Variants in ZNF496 observed in about 807,000 individuals in gnomAD.
ZNF496 encodes the protein zinc finger protein 496.
Under a neutral mutation model 58.9 loss-of-function variants are expected in ZNF496, and 11 were observed. That is an observed-to-expected ratio of 0.19 (90% CI 0.12 to 0.31). The LOEUF is 0.31. Among genes scored for constraint, ZNF496 ranks in the 10% least tolerant of loss-of-function variants. The pLI is 1.00. For synonymous variants in ZNF496, 338 were observed against 318.2 expected, an observed-to-expected ratio of 1.06 and a Z score of -0.66; for missense variants, 660 against 783.0, an observed-to-expected ratio of 0.84 and a Z score of 1.88.
rs1219697288 is a variant in ZNF496, at chr1:247,302,988, AATT to A, written c.1007-1715_1007-1713del. Among the ~76,000 whole-genome samples the A allele has an allele frequency of 9.2e-5, 14 of 152,170 alleles. No individual in the cohort carries two copies. The East Asian group carries it at 2.7e-3, about 29-fold the overall frequency. ...ACTTGTTAACTGGGCGAGGAGATGGAATTATGAGAGCAGACAGTGCATGTTATG... is the reference window on the plus strand; with the variant it reads ...ACTTGTTAACTGGGCGAGGAGATGGAATGAGAGCAGACAGTGCATGTTATG... On this transcript the variant is annotated intron_variant, in intron 9 of 9. Coordinates refer to ENST00000682384, the MANE Select transcript of ZNF496 (RefSeq NM_032752.3).
intron 6 of ZNF496, chr1:247,311,433 ACACACACAC>A (rs1659599761): frequency 1.7e-5 from 1 of 59,996 alleles, no homozygotes; most frequent in East Asian, 8.3e-4. Context: ...ACACAGAGAC[ACACACACAC>A]ACACACACAC....
At position 247,329,280 on chromosome 1, in the gene ZNF496, C is replaced by T. The variant is rs763856288; in HGVS notation, c.299G>A (p.Ser100Asn). ...FLAILPREIQ[S>N]WVRAQEPESG... ...CTCAGGCTCCTGCGCCCGCACCCAG[C>T]TCTGGATCTCCCGGGGCAGGATGGC... The change falls in exon 4 of 10, where the codon AGC becomes AAC. Residue 100 changes from serine (S) to asparagine (N), a missense_variant. By Grantham distance (46) the Ser-to-Asn change is conservative. Coordinates refer to ENST00000682384, the MANE Select transcript of ZNF496 (RefSeq NM_032752.3). The surrounding 1 kb of genome is among the most constrained non-coding windows in gnomAD (Gnocchi z 5.5). 10 of 1,613,586 alleles carry T rather than the reference C, an allele frequency of 6.2e-6. No homozygotes were observed. The highest frequency in any genetic ancestry group is 7.6e-6 in the Non-Finnish European group (9 of 1,180,020).
intron 6 of ZNF496, among the ~76,000 whole-genome samples, chr1:247,319,181 T>C (rs1289405368): frequency 6.6e-6 from 1 of 152,078 alleles, no homozygotes; most frequent in Non-Finnish European, 1.5e-5. Context: ...AGAGACAAGG[T>C]TTCGCTATGT....
At position 247,309,826 on chromosome 1, in the gene ZNF496, G is replaced by T; in HGVS notation, c.785-20C>A. The stretch of plus-strand genomic sequence containing the variant: ...GGTCGTCTGTTCAAAGAAAAAGGCA[G>T]GGTACATGTTTATTAGTAATCTGAT... On this transcript the variant is annotated intron_variant, in intron 7 of 9. Transcript: ENST00000682384. This position sits in a 1 kb window ranked among gnomAD's most constrained non-coding sequence, Gnocchi z 4.3. 1 of 1,613,334 alleles carries T rather than the reference G, an allele frequency of 6.2e-7. No individual in the cohort carries two copies. Among genetic ancestry groups the T allele is most frequent in the Non-Finnish European group, 8.5e-7 (1 of 1,179,410 alleles).
chr1:247,324,078 T>C (rs907327579), intron 5 of ZNF496, among the ~76,000 whole-genome samples: 1 of 47,006 alleles, frequency 2.1e-5, no homozygotes, highest in Non-Finnish European at 4.9e-5. Flanking sequence ...CTGTCTCAAA[T>C]GAAAAAAAAA....
chr1:247,305,380 CA>C (rs1201984707), intron 9 of ZNF496, among the ~76,000 whole-genome samples: 1 of 152,142 alleles, frequency 6.6e-6, no homozygotes, highest in Non-Finnish European at 1.5e-5. Context: ...TTCTGTTTTC[CA>C]AATAAAAAAT....
chr1:247,309,491 A>G lies in ZNF496; in HGVS notation c.892+208T>C, dbSNP rs909180050. On this transcript the variant is annotated intron_variant, in intron 8 of 9. Coordinates refer to ENST00000682384, the MANE Select transcript of ZNF496 (RefSeq NM_032752.3). This position sits in a 1 kb window ranked among gnomAD's most constrained non-coding sequence, Gnocchi z 4.3. ...TTTCCCAGTCCTTGGCCAAGGGAGT[A>G]CAATTCCAATGCCTGGCAAAATTAA... The G allele has an allele frequency of 4.3e-6, 6 of 1,409,438 alleles. No individual in the cohort carries two copies. Among genetic ancestry groups the G allele is most frequent in the Non-Finnish European group, 5.5e-6 (6 of 1,086,510 alleles). The allele number at this position is 1,409,438 out of a possible 1,614,324, so 87.3% of individuals were successfully genotyped here. A position where few individuals can be genotyped will look rare whatever the true frequency, so the allele number is the denominator to read the frequency against.
rs1448302739 is a variant in ZNF496, at chr1:247,309,623, A to T, written c.892+76T>A. On this transcript the variant is annotated intron_variant, in intron 8 of 9. Coordinates refer to ENST00000682384, the MANE Select transcript of ZNF496 (RefSeq NM_032752.3). This position sits in a 1 kb window ranked among gnomAD's most constrained non-coding sequence, Gnocchi z 4.3. The stretch of plus-strand genomic sequence containing the variant: ...CAATTAGGGGCCGCAGAGAGAAGCC[A>T]GAGAGTGGGCTCACCTCCGGCTGCC... The T allele has an allele frequency of 6.3e-7, 1 of 1,583,572 alleles. No homozygotes were observed. Among genetic ancestry groups the T allele is most frequent in the African/African-American group, 1.3e-5 (1 of 74,226 alleles).
At chr1:247,323,523 G>A (rs142385251) in intron 5 of ZNF496, among the ~76,000 whole-genome samples, 4 of 152,142 alleles carry the variant, frequency 2.6e-5, no homozygotes, top group Admixed American at 1.3e-4. Flanking sequence ...GTGTGCCTGG[G>A]TTCATGATAG....
At chr1:247,323,113 C>T (rs770001585) in intron 6 of ZNF496, 41 bp downstream of exon 6, 7 of 1,548,662 alleles carry the variant, frequency 4.5e-6, no homozygotes, top group Non-Finnish European at 6.2e-6. Context: ...CCTACAGAGG[C>T]AAACAGGGGA....
intron 2 of ZNF496, among the ~76,000 whole-genome samples, chr1:247,330,586 G>A (rs2103035961): frequency 6.6e-6 from 1 of 152,316 alleles, no homozygotes; most frequent in East Asian, 1.9e-4. Context: ...CCACAACTAG[G>A]GTGGCAAGAG....
chr1:247,327,207 G>C (rs1439486096), intron 5 of ZNF496, among the ~76,000 whole-genome samples: 1 of 152,188 alleles, frequency 6.6e-6, no homozygotes, highest in Admixed American at 6.5e-5. Context: ...TGGAATTATA[G>C]GCACCCACCA....
chr1:247,307,126 C>A, intron 9 of ZNF496: 1 of 985,432 alleles, frequency 1.0e-6, no homozygotes, highest in Non-Finnish European at 1.2e-6. Flanking sequence ...ATTTGATTGG[C>A]ACAAACTGAA....
rs1659498422 is a variant in ZNF496, at chr1:247,308,742, G to C, written c.893-154C>G. 3.1e-6 allele frequency: 2 copies of C among 642,138 alleles called. No homozygotes were observed. Among genetic ancestry groups the C allele is most frequent in the African/African-American group, 1.8e-5 (1 of 54,540 alleles). 39.8% of individuals were successfully genotyped at this position (642,138 alleles called of 1,614,324 possible). ...GGGGGTGGCCACTCAATAAGTGTCT[G>C]CTGAGTGAATGAACCTGAAGGCAAA... is the stretch of plus-strand genomic sequence containing the variant. On this transcript the variant is annotated intron_variant, in intron 8 of 9. Coordinates refer to ENST00000682384, the MANE Select transcript of ZNF496 (RefSeq NM_032752.3). This position sits in a 1 kb window ranked among gnomAD's most constrained non-coding sequence, Gnocchi z 4.5.
intron 6 of ZNF496, among the ~76,000 whole-genome samples, chr1:247,321,084 G>A (rs1185876014): frequency 6.6e-6 from 1 of 151,998 alleles, no homozygotes; most frequent in African/African-American, 2.4e-5. Context: ...GCTGAGGCAG[G>A]AGAATTGCTT....
rs1475784409 is a variant in ZNF496, at chr1:247,309,444, G to A, written c.892+255C>T. ...ACAAACCAGATGTTACTTACAGGCAGAGGAGAAAGACATTCCTATTATTTC... is the reference window on the plus strand; with the variant it reads ...ACAAACCAGATGTTACTTACAGGCAAAGGAGAAAGACATTCCTATTATTTC... On this transcript the variant is annotated intron_variant, in intron 8 of 9. Transcript: ENST00000682384. This position sits in a 1 kb window ranked among gnomAD's most constrained non-coding sequence, Gnocchi z 4.3. 11 of 1,335,806 alleles carry A rather than the reference G, an allele frequency of 8.2e-6. No homozygotes were observed. Among genetic ancestry groups the A allele is most frequent in the Non-Finnish European group, 1.1e-5 (11 of 1,044,106 alleles). The allele number at this position is 1,335,806 out of a possible 1,614,324, so 82.7% of individuals were successfully genotyped here. A position where few individuals can be genotyped will look rare whatever the true frequency, so the allele number is the denominator to read the frequency against.
chr1:247,318,326 A>G (rs1364049518), intron 6 of ZNF496, among the ~76,000 whole-genome samples: 2 of 152,222 alleles, frequency 1.3e-5, no homozygotes, highest in Non-Finnish European at 2.9e-5. Flanking sequence ...GTACTAGAAA[A>G]ATCTAGCTTA....
rs1659489398 is a variant in ZNF496, at chr1:247,308,506, T to G, written c.975A>C (p.Pro325=). The change falls in exon 9 of 10, where the codon CCA becomes CCC. Residue 325 remains proline, a synonymous_variant. Coordinates refer to ENST00000682384, the MANE Select transcript of ZNF496 (RefSeq NM_032752.3). This position sits in a 1 kb window ranked among gnomAD's most constrained non-coding sequence, Gnocchi z 4.5. ...AGGTGTTTTGAGGCACCACCGTCTG[T>G]GGGCAGGCCTGGAACTCTGGCACCT... is the stretch of plus-strand genomic sequence containing the variant. ...ELQVPEFQAC[P]QTVVPQNTYP... 3.7e-6 allele frequency: 6 copies of G among 1,614,170 alleles called. No homozygotes were observed. Among genetic ancestry groups the G allele is most frequent in the Non-Finnish European group, 4.2e-6 (5 of 1,180,014 alleles).
chr1:247,331,057 G>A (rs1278761482), intron 2 of ZNF496, among the ~76,000 whole-genome samples: 1 of 152,058 alleles, frequency 6.6e-6, no homozygotes, highest in East Asian at 1.9e-4. Flanking sequence ...CTGCTCGGCG[G>A]CCCCCTGCGG....
Sources: allele counts gnomAD v4.1 joint callset (sites outside exome capture counted in the v4.1 genomes callset), GRCh38; gene constraint gnomAD v4.1.1; non-coding constraint Gnocchi (gnomAD v3.1); transcripts MANE v1.5; gene names NCBI Gene and HGNC (gene_info 2026-07-23, HGNC 2026-07-21).